SPTY2D1: variants seen among roughly 807,000 people sequenced by gnomAD.
The protein encoded by SPTY2D1 is SPT2 chromatin protein domain containing 1.
SPTY2D1 carries 21 observed loss-of-function variants against 64.0 expected under a neutral mutation model. That is an observed-to-expected ratio of 0.33 (90% CI 0.23 to 0.47). SPTY2D1 has a LOEUF of 0.47. Among genes scored for constraint, SPTY2D1 ranks in the 20% least tolerant of loss-of-function variants. SPTY2D1 has a pLI of 1.00. For synonymous variants in SPTY2D1, 287 were observed against 286.8 expected (o/e 1.00, Z -0.01); for missense variants, 724 against 837.2 (o/e 0.86, Z 1.67).
At chr11:18,620,334 C>T (rs1788237072) in intron 1 of SPTY2D1, among the ~76,000 whole-genome samples, 1 of 151,724 alleles carries the variant, frequency 6.6e-6, no homozygotes, top group African/African-American at 2.4e-5. Context: ...CAAAAATTAC[C>T]CAGGCATGGT....
Position 18,608,805 on chromosome 11 carries a change from A to G in SPTY2D1, c.*1056T>C, listed in dbSNP as rs1261123209. ...GGGGAAAAAAATCTCTTCACAGTGC[A>G]TAGTTTGAAATCAAAGTGCAATATG... On this transcript the variant is annotated 3_prime_UTR_variant, in exon 6 of 6. Coordinates refer to ENST00000336349, the MANE Select transcript of SPTY2D1 (RefSeq NM_194285.3). The G allele has an allele frequency of 6.6e-6, 1 of 152,642 alleles. No homozygotes were observed. Among genetic ancestry groups the G allele is most frequent in the Admixed American group, 6.5e-5 (1 of 15,270 alleles). The allele number at this position is 152,642 out of a possible 1,614,324, so 9.5% of individuals were successfully genotyped here.
intron 1 of SPTY2D1, among the ~76,000 whole-genome samples, chr11:18,620,969 A>C (rs2134114024): frequency 6.6e-6 from 1 of 152,036 alleles, no homozygotes; most frequent in East Asian, 1.9e-4. Flanking sequence ...GTATATTTGT[A>C]TACCATTTAT....
In SPTY2D1 at chr11:18,610,107, A is replaced by T. The variant is rs1398269187; in HGVS notation, c.1965-153T>A. 4.9e-5 allele frequency: 27 copies of T among 547,154 alleles called. No individual in the cohort carries two copies. In the East Asian group the frequency reaches 8.2e-4, roughly 17 times the overall value. The allele number at this position is 547,154 out of a possible 1,614,324, so 33.9% of individuals were successfully genotyped here. A position where few individuals can be genotyped will look rare whatever the true frequency, so the allele number is the denominator to read the frequency against. ...TACCACTGAAAACAAACTAGCAGGG[A>T]TATTTTTTTACCAGGGGCCACAGAC... On this transcript the variant is annotated intron_variant, in intron 5 of 5. Transcript: ENST00000336349.
At chr11:18,628,287 C>T (rs894768839) in intron 1 of SPTY2D1, among the ~76,000 whole-genome samples, 2 of 152,188 alleles carry the variant, frequency 1.3e-5, no homozygotes, top group Non-Finnish European at 2.9e-5. Flanking sequence ...ATGAATAATG[C>T]TGCTGTGAAC....
chr11:18,627,532 C>G (rs548313840), intron 1 of SPTY2D1, among the ~76,000 whole-genome samples: 1 of 152,138 alleles, frequency 6.6e-6, no homozygotes. Context: ...CACTTGAGGT[C>G]AGGAGTCCAA....
chr11:18,610,691 A>C (rs1156904092), intron 5 of SPTY2D1, among the ~76,000 whole-genome samples: 1 of 149,782 alleles, frequency 6.7e-6, no homozygotes, highest in Non-Finnish European at 1.5e-5. Flanking sequence ...AAAAAAAACA[A>C]CAATACTATA....
At chr11:18,626,751 G>C (rs906418373) in intron 1 of SPTY2D1, among the ~76,000 whole-genome samples, 1 of 152,228 alleles carries the variant, frequency 6.6e-6, no homozygotes, top group Non-Finnish European at 1.5e-5. Flanking sequence ...GCCTGGCACA[G>C]AGTATGCACT....
chr11:18,631,895 T>G (rs757365027), intron 1 of SPTY2D1, among the ~76,000 whole-genome samples: 38 of 152,068 alleles, frequency 2.5e-4, no homozygotes, highest in South Asian at 4.1e-4. Context: ...ACCTGTAATT[T>G]CAGCACTTTG....
intron 2 of SPTY2D1, 29 bp downstream of exon 2, chr11:18,616,846 A>C: frequency 6.2e-7 from 1 of 1,603,090 alleles, no homozygotes; most frequent in South Asian, 1.1e-5. Context: ...GAATACTTTA[A>C]AATTGAGAAT....
At chr11:18,632,721 T>C (rs754106132) in intron 1 of SPTY2D1, among the ~76,000 whole-genome samples, 6 of 152,246 alleles carry the variant, frequency 3.9e-5, no homozygotes, top group Non-Finnish European at 8.8e-5. Context: ...GCATATATTA[T>C]GACATATACA....
rs1459674002 is a variant in SPTY2D1, at chr11:18,609,080, T to C, written c.*781A>G. 6.6e-6 allele frequency: 1 copy of C among 152,274 alleles called. No homozygotes were observed. The highest frequency in any genetic ancestry group is 1.5e-5 in the Non-Finnish European group (1 of 68,048). 9.4% of individuals were successfully genotyped at this position (152,274 alleles called of 1,614,324 possible). On this transcript the variant is annotated 3_prime_UTR_variant, in exon 6 of 6. Transcript: ENST00000336349. ...TTTGAATAAAATATTTTTTCTTCGA[T>C]ATAAAAATGAATTTTTTTAGATAAA...
rs1159407547 is a variant in SPTY2D1 at position 18,608,218 on chromosome 11, C to T, written c.*1643G>A. On this transcript the variant is annotated 3_prime_UTR_variant, in exon 6 of 6. Coordinates refer to ENST00000336349, the MANE Select transcript of SPTY2D1 (RefSeq NM_194285.3). ...GTGTTATTCCTAGTGATGATGACAC[C>T]TTTCATGGGATTCAACTTAAAAATT... 1.3e-5 allele frequency: 2 copies of T among 152,528 alleles called. No individual in the cohort carries two copies. Among genetic ancestry groups the T allele is most frequent in the South Asian group, 2.1e-4 (1 of 4,822 alleles). The allele number at this position is 152,528 out of a possible 1,614,324, so 9.4% of individuals were successfully genotyped here.
chr11:18,619,670 T>C (rs1030563608), intron 1 of SPTY2D1, among the ~76,000 whole-genome samples: 1 of 152,022 alleles, frequency 6.6e-6, no homozygotes, highest in Non-Finnish European at 1.5e-5. Flanking sequence ...GGCAAGAGAA[T>C]TGCTTGAACC....
chr11:18,615,040 T>A lies in SPTY2D1; in HGVS notation c.1234A>T (p.Ile412Phe), dbSNP rs201954599. Residue 412 changes from isoleucine to phenylalanine, a missense_variant, in exon 3 of 6, where the codon ATC becomes TTC. Transcript: ENST00000336349. ...TTGGTTGGCTTCTTGGACCCACTGA[T>A]TGATCGCTCAGGTCCTGAGCTGGAG... ...GSSSSGPERS[I>F]SGSKKPTNDS... 6.2e-7 allele frequency: 1 copy of A among 1,614,038 alleles called. No individual in the cohort carries two copies. Among genetic ancestry groups the A allele is most frequent in the Non-Finnish European group, 8.5e-7 (1 of 1,180,040 alleles).
intron 1 of SPTY2D1, among the ~76,000 whole-genome samples, chr11:18,632,222 T>A (rs182752373): frequency 7.9e-5 from 12 of 152,140 alleles, no homozygotes; most frequent in African/African-American, 2.9e-4. Flanking sequence ...GTTTCTTTTG[T>A]GACTTTAATT....
At chr11:18,631,674 A>C (rs1045697226) in intron 1 of SPTY2D1, among the ~76,000 whole-genome samples, 1 of 151,142 alleles carries the variant, frequency 6.6e-6, no homozygotes, top group African/African-American at 2.4e-5. Flanking sequence ...AAAAAGCTTT[A>C]TTTCTTTTAA....
At chr11:18,610,687 A>C (rs1403988320) in intron 5 of SPTY2D1, among the ~76,000 whole-genome samples, 5 of 145,418 alleles carry the variant, frequency 3.4e-5, no homozygotes, top group South Asian at 2.1e-4. Flanking sequence ...AAAAAAAAAA[A>C]ACAACAATAC....
At chr11:18,626,988 A>G (rs1299585854) in intron 1 of SPTY2D1, among the ~76,000 whole-genome samples, 4 of 152,180 alleles carry the variant, frequency 2.6e-5, no homozygotes, top group Non-Finnish European at 5.9e-5. Flanking sequence ...TGGGGCTTCT[A>G]AAGGTTGTTC....
At position 18,615,803 on chromosome 11, in the gene SPTY2D1, C is replaced by G; in HGVS notation, c.471G>C (p.Lys157Asn). 1.2e-6 allele frequency: 2 copies of G among 1,613,992 alleles called. No homozygotes were observed. Among genetic ancestry groups the G allele is most frequent in the Non-Finnish European group, 1.7e-6 (2 of 1,179,994 alleles). Reference sequence around the variant, plus strand: ...GTGGTGGGGCACTTTTAAGGGGGACCTTTGGTTTGCTTTCAACTTTGGGAG... The same window carrying G: ...GTGGTGGGGCACTTTTAAGGGGGACGTTTGGTTTGCTTTCAACTTTGGGAG... ...QEPPKVESKP[K>N]VPLKSAPPPM... The change falls in exon 3 of 6, where the codon AAG (lysine) becomes AAC (asparagine). Residue 157 changes from lysine (K) to asparagine (N), a missense_variant. This residue lies in a region of SPTY2D1 where 179 missense variants were observed against 232.5 expected (regional missense o/e 0.77). Coordinates refer to ENST00000336349, the MANE Select transcript of SPTY2D1 (RefSeq NM_194285.3).
Sources: allele counts gnomAD v4.1 joint callset (sites outside exome capture counted in the v4.1 genomes callset), GRCh38; gene constraint gnomAD v4.1.1; regional missense constraint gnomAD v4.1.1; transcripts MANE v1.5; gene names NCBI Gene and HGNC (gene_info 2026-07-23, HGNC 2026-07-21).